The following OMA1 variants were observed in gnomAD, a reference collection of about 807,000 sequenced individuals.
OMA1 encodes OMA1 zinc metallopeptidase.
In OMA1, 38 loss-of-function variants were observed where a neutral mutation model predicts 30.9. That is an observed-to-expected ratio of 1.23 (90% CI 0.95 to 1.61). The LOEUF is 1.61. Ranked by LOEUF, OMA1 falls within the 40% of genes most tolerant of loss-of-function variation. The pLI is 0.00. For missense variants in OMA1, 461 were observed against 349.2 expected (o/e 1.32, Z -2.55); for synonymous variants, 173 against 121.9 (o/e 1.42, Z -2.76).
intron 8 of OMA1, among the ~76,000 whole-genome samples, chr1:58,498,578 A>G (rs888865492): frequency 1.2e-4 from 19 of 152,174 alleles, no homozygotes; most frequent in African/African-American, 4.6e-4. Flanking sequence ...AAAGAAATAC[A>G]ACAAGGATAA....
chr1:58,489,482 G>C (rs1645637846), intron 8 of OMA1, among the ~76,000 whole-genome samples: 2 of 152,204 alleles, frequency 1.3e-5, no homozygotes, highest in Non-Finnish European at 2.9e-5. Context: ...AGCTCAAGGA[G>C]GCCTGCCTGC....
At chr1:58,484,474 T>C (rs1159654204) in intron 8 of OMA1, among the ~76,000 whole-genome samples, 1 of 152,202 alleles carries the variant, frequency 6.6e-6, no homozygotes, top group African/African-American at 2.4e-5. Flanking sequence ...TTCACAGTTA[T>C]TCACATAACA....
intron 1 of OMA1, chr1:58,541,632 A>AAAAAC (rs1432428303): frequency 6.4e-4 from 94 of 146,430 alleles, no homozygotes; most frequent in African/African-American, 2.2e-3. Flanking sequence ...AAAAAAAAAA[A>AAAAAC]AAAAAAAAAC....
intron 1 of OMA1, among the ~76,000 whole-genome samples, chr1:58,541,164 C>T (rs917030604): frequency 5.3e-5 from 8 of 151,300 alleles, no homozygotes; most frequent in African/African-American, 1.9e-4. Flanking sequence ...TGTGGTGGCA[C>T]TTGCCTGTAA....
intron 7 of OMA1, among the ~76,000 whole-genome samples, chr1:58,510,543 T>G (rs76474507): frequency 0.081 from 12,292 of 152,114 alleles, 522 homozygotes; most frequent in Middle Eastern, 0.16. Flanking sequence ...AACAAAAATT[T>G]TTTCCTCTAA....
At chr1:58,513,732 G>C (rs922219101) in intron 7 of OMA1, among the ~76,000 whole-genome samples, 25 of 152,156 alleles carry the variant, frequency 1.6e-4, no homozygotes, top group Admixed American at 1.4e-3. Context: ...GCCAGGCATT[G>C]TTTTAAGTGT....
chr1:58,532,884 TTCAG>T (rs1452857600), intron 5 of OMA1, among the ~76,000 whole-genome samples: 2 of 152,178 alleles, frequency 1.3e-5, no homozygotes, highest in African/African-American at 2.4e-5. Context: ...GATAATTACT[TTCAG>T]TGTTTCAGAA....
chr1:58,530,686 A>C lies in OMA1; in HGVS notation c.1055T>G (p.Met352Arg), dbSNP rs764391489. Residue 352 changes from methionine (M) to arginine (R), a missense_variant, in exon 6 of 9, where the codon ATG becomes AGG. Met to Arg is a moderately conservative substitution (Grantham distance 91, BLOSUM62 -1). Transcript: ENST00000371226. ...GMVHLLDFLG[M>R]IFLTMIWAIC... ...GGCCCAAATCATTGTGAGGAAAATCATACCTAGGAAATCCAACAAATGAAC... is the reference window on the plus strand; with the variant it reads ...GGCCCAAATCATTGTGAGGAAAATCCTACCTAGGAAATCCAACAAATGAAC... 10 of 872,744 alleles carry C rather than the reference A, an allele frequency of 1.1e-5. No individual in the cohort carries two copies. Among genetic ancestry groups the C allele is most frequent in the Non-Finnish European group, 1.8e-5 (9 of 501,560 alleles). 54.1% of individuals were successfully genotyped at this position (872,744 alleles called of 1,614,324 possible). A position where few individuals can be genotyped will look rare whatever the true frequency, so the allele number is the denominator to read the frequency against.
chr1:58,485,148 G>C (rs1645553424), intron 8 of OMA1, among the ~76,000 whole-genome samples: 2 of 137,076 alleles, frequency 1.5e-5, no homozygotes, highest in South Asian at 4.8e-4. Flanking sequence ...TGCGGGGACA[G>C]ATGTATAAGG....
At chr1:58,497,103 T>C (rs1645815486) in intron 8 of OMA1, among the ~76,000 whole-genome samples, 1 of 152,114 alleles carries the variant, frequency 6.6e-6, no homozygotes, top group South Asian at 2.1e-4. Context: ...CAAAATTTAA[T>C]CTCTATTTAC....
chr1:58,509,027 T>G (rs539304101), intron 7 of OMA1, among the ~76,000 whole-genome samples: 1 of 152,050 alleles, frequency 6.6e-6, no homozygotes, highest in Non-Finnish European at 1.5e-5. Context: ...TGGACTAGCA[T>G]GAAGGTTTGA....
intron 8 of OMA1, among the ~76,000 whole-genome samples, chr1:58,490,485 C>A (rs1645661874): frequency 6.6e-6 from 1 of 152,266 alleles, no homozygotes; most frequent in African/African-American, 2.4e-5. Flanking sequence ...CTGAAAGTGA[C>A]AGGGAGAATG....
At chr1:58,519,253 G>A (rs1646222867) in intron 7 of OMA1, among the ~76,000 whole-genome samples, 1 of 152,082 alleles carries the variant, frequency 6.6e-6, no homozygotes, top group Non-Finnish European at 1.5e-5. Flanking sequence ...TATTTTTGTG[G>A]GCACTTGGTA....
chr1:58,493,627 A>C (rs1310433756), intron 8 of OMA1, among the ~76,000 whole-genome samples: 1 of 151,640 alleles, frequency 6.6e-6, no homozygotes, highest in Non-Finnish European at 1.5e-5. Flanking sequence ...CCAATAACAG[A>C]CAAACAGAGA....
At chr1:58,526,657 G>A (rs529850685) in intron 7 of OMA1, among the ~76,000 whole-genome samples, 19 of 149,908 alleles carry the variant, frequency 1.3e-4, no homozygotes, top group African/African-American at 4.2e-4. Flanking sequence ...ATGTCTGTTC[G>A]TCTACTGTTT....
intron 6 of OMA1, among the ~76,000 whole-genome samples, chr1:58,529,373 CA>C (rs1646398522): frequency 6.6e-6 from 1 of 152,122 alleles, no homozygotes; most frequent in South Asian, 2.1e-4. Context: ...AGATGTAAAA[CA>C]AAAAAATTAT....
intron 8 of OMA1, among the ~76,000 whole-genome samples, chr1:58,490,590 A>ACC (rs1645663518): frequency 3.3e-5 from 5 of 152,090 alleles, no homozygotes; most frequent in African/African-American, 1.2e-4. Flanking sequence ...AAATACAGAG[A>ACC]ATGCCACAAA....
rs1646367967 is a variant in OMA1 at position 58,527,334 on chromosome 1, T to C, written c.1142A>G (p.Tyr381Cys). 1.1e-6 allele frequency: 1 copy of C among 871,546 alleles called. No homozygotes were observed. The highest frequency in any genetic ancestry group is 1.7e-5 in the Admixed American group (1 of 59,096). 54.0% of individuals were successfully genotyped at this position (871,546 alleles called of 1,614,324 possible). A position where few individuals can be genotyped will look rare whatever the true frequency, so the allele number is the denominator to read the frequency against. ...TCTGCTGTATGGTCTATTAAACATA[T>C]ACTAAGAAGAAATGACAGAAAAGCT... ...CQWIQSKLQE[Y>C]MFNRPYSRKL... Residue 381 changes from tyrosine (Y) to cysteine (C), a missense_variant and splice_region_variant, in exon 7 of 9, where the codon TAT becomes TGT. Transcript: ENST00000371226.
intron 6 of OMA1, among the ~76,000 whole-genome samples, chr1:58,529,137 A>G (rs891438833): frequency 2.6e-5 from 4 of 152,200 alleles, no homozygotes; most frequent in African/African-American, 4.8e-5. Context: ...TTTCTCTTTA[A>G]GAACCTTTAC....
Sources: gnomAD v4.1 joint callset for allele counts (sites outside exome capture counted in the v4.1 genomes callset) on GRCh38, gnomAD v4.1.1 for gene constraint, MANE v1.5 for transcripts, NCBI Gene and HGNC (gene_info 2026-07-23, HGNC 2026-07-21) for gene names.